The following TULP4 variants were observed in gnomAD, a reference collection of about 807,000 sequenced individuals.
TULP4 encodes the protein tubby-related protein 4.
In TULP4, 16 loss-of-function variants were observed where a neutral mutation model predicts 129.0. That is an observed-to-expected ratio of 0.12 (90% CI 0.08 to 0.19). TULP4 has a LOEUF of 0.19. Among genes scored for constraint, TULP4 ranks in the 10% least tolerant of loss-of-function variants. The pLI is 1.00. For missense variants in TULP4, 1,842 were observed against 2,059.1 expected, an observed-to-expected ratio of 0.89 and a Z score of 2.04; for synonymous variants, 998 against 854.0, an observed-to-expected ratio of 1.17 and a Z score of -2.94.
chr6:158,459,634 A>G (rs1347955947), intron 5 of TULP4, among the ~76,000 whole-genome samples: 3 of 152,138 alleles, frequency 2.0e-5, no homozygotes, highest in Non-Finnish European at 4.4e-5. Context: ...ACCTTGCAAT[A>G]CAATTCAAAA....
intron 8 of TULP4, 75 bp downstream of exon 8, chr6:158,481,364 A>G (rs772320411): frequency 7.5e-7 from 1 of 1,340,150 alleles, no homozygotes; most frequent in South Asian, 1.2e-5. Flanking sequence ...CACCCCATGC[A>G]AAGAGAATGT....
chr6:158,482,651 TG>T (rs1006849879), intron 8 of TULP4, among the ~76,000 whole-genome samples: 32 of 152,176 alleles, frequency 2.1e-4, no homozygotes, highest in East Asian at 1.9e-4. Context: ...ATGACTGGGG[TG>T]GGGGCCGTGG....
At chr6:158,294,380 A>T (rs551900346) in intron 1 of TULP4, among the ~76,000 whole-genome samples, 2 of 152,234 alleles carry the variant, frequency 1.3e-5, no homozygotes, top group African/African-American at 4.8e-5. Flanking sequence ...AAAATAAAAA[A>T]AAAAATAAAT....
At chr6:158,461,830 T>C in intron 6 of TULP4, 101 bp downstream of exon 6, 2 of 1,381,390 alleles carry the variant, frequency 1.4e-6, no homozygotes, top group Non-Finnish European at 9.7e-7. Flanking sequence ...TTTTTTTACC[T>C]TAGGTTGTGG....
At chr6:158,462,802 T>G (rs1446513403) in intron 6 of TULP4, among the ~76,000 whole-genome samples, 1 of 147,128 alleles carries the variant, frequency 6.8e-6, no homozygotes, top group Non-Finnish European at 1.5e-5. Flanking sequence ...CAGGCTGGAG[T>G]GCAGTGGCGC....
chr6:158,272,690 T>C lies in TULP4; in HGVS notation n.69-39361T>C, dbSNP rs931737061. ...ATAGCTCTAATGCAGGAAGTAGTCA[T>C]TGACAGACCCAAGATTTGAAGTGAG... On this transcript the variant is annotated intron_variant and non_coding_transcript_variant, in intron 1 of 1. Coordinates refer to the TULP4 transcript ENST00000620026. 2.0e-5 allele frequency among the ~76,000 whole-genome samples: 3 copies of C among 152,208 alleles called. 1 individual carries two copies. In the South Asian group the frequency reaches 6.2e-4, roughly 31 times the overall value.
At chr6:158,429,508 G>C (rs1778582911) in intron 2 of TULP4, among the ~76,000 whole-genome samples, 1 of 152,170 alleles carries the variant, frequency 6.6e-6, no homozygotes, top group African/African-American at 2.4e-5. Flanking sequence ...TCGAACTCCT[G>C]GCTTCAAGTG....
chr6:158,245,523 G>T (rs1337824715), intron 1 of TULP4, among the ~76,000 whole-genome samples: 1 of 152,080 alleles, frequency 6.6e-6, no homozygotes, highest in African/African-American at 2.4e-5. Context: ...ACTCAGTCCA[G>T]ATAGCTGCTG....
chr6:158,503,206 C>T lies in TULP4; in HGVS notation c.3543C>T (p.Phe1181=). 6.2e-7 allele frequency: 1 copy of T among 1,614,098 alleles called. No individual in the cohort carries two copies. Among genetic ancestry groups the T allele is most frequent in the Non-Finnish European group, 8.5e-7 (1 of 1,179,980 alleles). ...PKSPASPTAT[F]QTGYGMGVPY... Reference sequence around the variant, plus strand: ...CTCCTGCCAGCCCCACTGCCACTTTCCAAACAGGCTATGGGATGGGAGTGC... The same window carrying T: ...CTCCTGCCAGCCCCACTGCCACTTTTCAAACAGGCTATGGGATGGGAGTGC... Residue 1181 remains phenylalanine (F), a synonymous_variant, in exon 13 of 14, where the codon TTC becomes TTT. Coordinates refer to ENST00000367097, the MANE Select transcript of TULP4 (RefSeq NM_020245.5). This position sits in a 1 kb window ranked among gnomAD's most constrained non-coding sequence, Gnocchi z 4.3.
chr6:158,309,150 C>T (rs1275108613), upstream of TULP4, among the ~76,000 whole-genome samples: 1 of 35,654 alleles, frequency 2.8e-5, no homozygotes, highest in Non-Finnish European at 7.8e-5. Context: ...GGCTGCCGGG[C>T]AGAGGGGCTC....
At chr6:158,331,918 T>C (rs1231035562) in intron 1 of TULP4, among the ~76,000 whole-genome samples, 1 of 148,874 alleles carries the variant, frequency 6.7e-6, no homozygotes, top group East Asian at 2.0e-4. Context: ...ACGCCTGTAA[T>C]CCCAGCACTT....
chr6:158,289,083 G>T (rs989687252), intron 1 of TULP4, among the ~76,000 whole-genome samples: 2 of 152,158 alleles, frequency 1.3e-5, no homozygotes, highest in African/African-American at 4.8e-5. Context: ...TTAAACTACA[G>T]ATTCATTTTC....
intron 8 of TULP4, among the ~76,000 whole-genome samples, chr6:158,483,420 C>T (rs541044937): frequency 6.6e-6 from 1 of 152,226 alleles, no homozygotes; most frequent in South Asian, 2.1e-4. Flanking sequence ...ACAGCCTTGA[C>T]CTCCCAGGTT....
chr6:158,274,436 C>T (rs748690661), intron 1 of TULP4, among the ~76,000 whole-genome samples: 17 of 152,188 alleles, frequency 1.1e-4, no homozygotes, highest in Non-Finnish European at 1.9e-4. Flanking sequence ...TCCTCTTCCA[C>T]ACAACAATGT....
chr6:158,297,757 C>T (rs1380086076), intron 1 of TULP4, among the ~76,000 whole-genome samples: 1 of 152,138 alleles, frequency 6.6e-6, no homozygotes, highest in Non-Finnish European at 1.5e-5. Flanking sequence ...AAAAGCAGAA[C>T]TACTGATAAG....
Position 158,377,371 on chromosome 6 carries a change from G to A in TULP4, c.253-35694G>A, listed in dbSNP as rs146253612. 3.2e-3 allele frequency among the ~76,000 whole-genome samples: 480 copies of A among 152,292 alleles called. 1 individual carries two copies. The highest frequency in any genetic ancestry group is 5.0e-3 in the Non-Finnish European group (337 of 68,028). ...ATGAACTATTGCATTTAAACCTTAG[G>A]AGTATTACATGAGGAAGACACTCTT... On this transcript the variant is annotated intron_variant, in intron 1 of 13. Transcript: ENST00000367097.
chr6:158,385,817 G>C (rs531883222), intron 1 of TULP4, among the ~76,000 whole-genome samples: 6 of 127,752 alleles, frequency 4.7e-5, no homozygotes, highest in Admixed American at 2.4e-4. Context: ...GCTTATGTCA[G>C]GAAAAGTCTA....
At chr6:158,300,171 T>C (rs1025113239) in intron 1 of TULP4, among the ~76,000 whole-genome samples, 2 of 152,182 alleles carry the variant, frequency 1.3e-5, no homozygotes, top group Non-Finnish European at 2.9e-5. Flanking sequence ...ACACGAAGTT[T>C]AAGTCTCCTA....
intron 12 of TULP4, 27 bp from the exon 13 acceptor site, chr6:158,501,651 C>T: frequency 6.3e-7 from 1 of 1,591,472 alleles, no homozygotes; most frequent in East Asian, 2.2e-5. Flanking sequence ...TTTTTGTAAG[C>T]AGTTCCTTTT....
Sources: allele counts gnomAD v4.1 joint callset (sites outside exome capture counted in the v4.1 genomes callset), GRCh38; gene constraint gnomAD v4.1.1; non-coding constraint Gnocchi (gnomAD v3.1); transcripts MANE v1.5; gene names NCBI Gene and HGNC (gene_info 2026-07-23, HGNC 2026-07-21).